SLC71A2: variants seen among roughly 807,000 people sequenced by gnomAD.
The protein encoded by SLC71A2 is hippocampus abundant transcript-like 1.
the SLC71A2 span, among the ~76,000 whole-genome samples, chr9:94,423,483 T>C: frequency 6.6e-6 from 1 of 152,170 alleles, no homozygotes; most frequent in East Asian, 1.9e-4. Flanking sequence ...TTTTCGCTAG[T>C]GGTCACCCAC....
chr9:94,388,197 A>C, the SLC71A2 span, among the ~76,000 whole-genome samples: 2 of 152,160 alleles, frequency 1.3e-5, no homozygotes, highest in Non-Finnish European at 2.9e-5. Context: ...TGTGAGTATC[A>C]TGGGTCATGA....
chr9:94,404,758 T>C, the SLC71A2 span, among the ~76,000 whole-genome samples: 2 of 152,230 alleles, frequency 1.3e-5, no homozygotes, highest in African/African-American at 2.4e-5. Flanking sequence ...AGATATGTGA[T>C]TTGCATGTAT....
the SLC71A2 span, among the ~76,000 whole-genome samples, chr9:94,449,943 GAGAA>G: frequency 2.0e-5 from 3 of 152,206 alleles, no homozygotes; most frequent in African/African-American, 7.2e-5. Context: ...GACATGCTCA[GAGAA>G]AGAAGCCAGT....
chr9:94,408,748 G>T, the SLC71A2 span, among the ~76,000 whole-genome samples: 3 of 147,976 alleles, frequency 2.0e-5, 1 homozygote, highest in Non-Finnish European at 4.5e-5. Context: ...TTCTTGGTTT[G>T]TCCATTAGTT....
At chr9:94,454,131 G>T in the SLC71A2 span, 3 of 1,182,376 alleles carry the variant, frequency 2.5e-6, no homozygotes. Context: ...AGGAGCTTGG[G>T]GTGGTTGGGT....
the SLC71A2 span, chr9:94,445,224 T>C: frequency 6.7e-7 from 1 of 1,490,452 alleles, no homozygotes; most frequent in Non-Finnish European, 9.2e-7. Flanking sequence ...TAAATGTCTT[T>C]CTAAGCCAAG....
the SLC71A2 span, among the ~76,000 whole-genome samples, chr9:94,436,621 T>G: frequency 1.3e-5 from 2 of 152,138 alleles, no homozygotes; most frequent in East Asian, 3.9e-4. Flanking sequence ...GCCCATGTCC[T>G]TAATCTTCTT....
At chr9:94,423,579 A>T in the SLC71A2 span, among the ~76,000 whole-genome samples, 1 of 151,840 alleles carries the variant, frequency 6.6e-6, no homozygotes, top group Admixed American at 6.6e-5. Context: ...CCAATATGTG[A>T]CCTCAGTCTT....
chr9:94,438,437 G>T, the SLC71A2 span: 35 of 1,613,882 alleles, frequency 2.2e-5, no homozygotes, highest in Non-Finnish European at 2.9e-5. Context: ...ACTCATTGGT[G>T]CCCTGTCTGA....
chr9:94,386,253 T>C, the SLC71A2 span, among the ~76,000 whole-genome samples: 1 of 51,504 alleles, frequency 1.9e-5, no homozygotes, highest in Non-Finnish European at 5.3e-5. Context: ...ATTTCATGTA[T>C]GTATAGAACA....
At chr9:94,452,261 C>T in the SLC71A2 span, among the ~76,000 whole-genome samples, 2 of 152,138 alleles carry the variant, frequency 1.3e-5, no homozygotes, top group Admixed American at 6.5e-5. Flanking sequence ...TTAACTCCGA[C>T]TGTTCCCAGG....
At chr9:94,425,297 T>C in the SLC71A2 span, among the ~76,000 whole-genome samples, 1 of 152,050 alleles carries the variant, frequency 6.6e-6, no homozygotes, top group Non-Finnish European at 1.5e-5. Context: ...GAGTGAGACT[T>C]TGAATCAAAC....
At chr9:94,386,236 T>C in the SLC71A2 span, among the ~76,000 whole-genome samples, 1 of 133,954 alleles carries the variant, frequency 7.5e-6, no homozygotes, top group Admixed American at 7.5e-5. Context: ...ATGAAATCAC[T>C]TTCTTAATTT....
At chr9:94,395,615 G>A in the SLC71A2 span, among the ~76,000 whole-genome samples, 1 of 152,138 alleles carries the variant, frequency 6.6e-6, no homozygotes, top group East Asian at 1.9e-4. Flanking sequence ...TCATTACACA[G>A]CAGTGCCCCC....
At chr9:94,432,852 C>T in the SLC71A2 span, 1,883 of 398,088 alleles carry the variant, frequency 4.7e-3, 33 homozygotes, top group African/African-American at 0.037. Context: ...AACTCCATGG[C>T]ATTCAGAGAA....
the SLC71A2 span, among the ~76,000 whole-genome samples, chr9:94,379,309 C>T: frequency 5.4e-5 from 8 of 148,038 alleles, no homozygotes; most frequent in African/African-American, 2.0e-4. Flanking sequence ...TGGTCTTGAA[C>T]TCCTGACCTC....
At chr9:94,448,086 C>T in the SLC71A2 span, among the ~76,000 whole-genome samples, 1 of 147,368 alleles carries the variant, frequency 6.8e-6, no homozygotes, top group African/African-American at 2.5e-5. Context: ...GCTGCTGTAA[C>T]ATTCATGTAC....
chr9:94,440,961 G>A, the SLC71A2 span: 32 of 1,456,278 alleles, frequency 2.2e-5, no homozygotes, highest in Non-Finnish European at 3.0e-5. Flanking sequence ...TTTCCCTTGG[G>A]TCATTAAAAT....
At chr9:94,377,836 G>A in the SLC71A2 span, among the ~76,000 whole-genome samples, 5,034 of 152,170 alleles carry the variant, frequency 0.033, 274 homozygotes, top group African/African-American at 0.11. Context: ...GCCGGGCACG[G>A]TGGCTCACAC....
Sources: gnomAD v4.1 joint callset for allele counts (sites outside exome capture counted in the v4.1 genomes callset) on GRCh38, gnomAD v4.1.1 for gene constraint, MANE v1.5 for transcripts, NCBI Gene and HGNC (gene_info 2026-07-23, HGNC 2026-07-21) for gene names.